MYRIP: variants seen among roughly 807,000 people sequenced by gnomAD.
MYRIP encodes rab effector MyRIP.
In MYRIP, 49 loss-of-function variants were observed where a neutral mutation model predicts 98.0. The ratio of observed to expected loss-of-function variants is 0.50; its 90% CI spans 0.40 to 0.63. MYRIP has a LOEUF of 0.63. MYRIP is among the 30% of genes least tolerant of loss of function. The probability of loss-of-function intolerance (pLI) is 0.00; values close to 1 mark genes in which losing one functional copy is unlikely to be tolerated. For missense variants in MYRIP, 1,004 were observed against 1,058.2 expected (o/e 0.95, Z 0.71); for synonymous variants, 404 against 409.5 (o/e 0.99, Z 0.16).
chr3:39,887,632 C>G (rs1259404183), intron 1 of MYRIP, among the ~76,000 whole-genome samples: 1 of 152,106 alleles, frequency 6.6e-6, no homozygotes, highest in Non-Finnish European at 1.5e-5. Context: ...CAGGGATGCC[C>G]TCTCTCACCA....
chr3:40,044,300 A>G (rs1002648186), intron 3 of MYRIP, 29 bp downstream of exon 3: 3 of 1,603,002 alleles, frequency 1.9e-6, no homozygotes, highest in Non-Finnish European at 8.5e-7. Flanking sequence ...CCCAGGGTCT[A>G]CACTGTTGAT....
intron 1 of MYRIP, among the ~76,000 whole-genome samples, chr3:39,873,202 A>C (rs2125632754): frequency 6.6e-6 from 1 of 151,822 alleles, no homozygotes; most frequent in South Asian, 2.1e-4. Flanking sequence ...TTTTTCTTGT[A>C]CATTTGTTTG....
chr3:40,115,453 G>A (rs889171796), intron 3 of MYRIP, among the ~76,000 whole-genome samples: 10 of 152,200 alleles, frequency 6.6e-5, no homozygotes, highest in South Asian at 4.1e-4. Context: ...AATGCCAGAC[G>A]CTTACAAAAC....
chr3:39,955,495 C>T (rs1186039302), intron 2 of MYRIP, among the ~76,000 whole-genome samples: 5 of 152,088 alleles, frequency 3.3e-5, no homozygotes, highest in African/African-American at 9.7e-5. Flanking sequence ...TCTGTCACCA[C>T]CAGGCCTGCC....
At chr3:39,880,641 A>G (rs1483149744) in intron 1 of MYRIP, among the ~76,000 whole-genome samples, 1 of 152,078 alleles carries the variant, frequency 6.6e-6, no homozygotes, top group Admixed American at 6.5e-5. Context: ...TTTTGCTTCT[A>G]TTTACTCATC....
chr3:39,868,637 A>G (rs748760030), intron 1 of MYRIP, among the ~76,000 whole-genome samples: 2 of 152,128 alleles, frequency 1.3e-5, no homozygotes, highest in Non-Finnish European at 2.9e-5. Context: ...TGATCCTTTG[A>G]CATCTGGAGA....
At chr3:40,125,141 C>T (rs1208852496) in intron 3 of MYRIP, among the ~76,000 whole-genome samples, 1 of 152,246 alleles carries the variant, frequency 6.6e-6, no homozygotes, top group Non-Finnish European at 1.5e-5. Flanking sequence ...AGGCATGGGG[C>T]TTTGCAGCCA....
At chr3:40,177,250 G>A (rs1177170323) in intron 8 of MYRIP, among the ~76,000 whole-genome samples, 1 of 152,096 alleles carries the variant, frequency 6.6e-6, no homozygotes, top group African/African-American at 2.4e-5. Flanking sequence ...TGCTTTAAGG[G>A]TCTTGATGCA....
At chr3:40,159,164 T>C (rs1281709588) in intron 4 of MYRIP, among the ~76,000 whole-genome samples, 2 of 152,164 alleles carry the variant, frequency 1.3e-5, no homozygotes, top group Non-Finnish European at 2.9e-5. Context: ...AGTGCTTCCT[T>C]CAGGAGCTCT....
At chr3:40,032,082 G>A (rs1434555547) in intron 2 of MYRIP, among the ~76,000 whole-genome samples, 1 of 152,018 alleles carries the variant, frequency 6.6e-6, no homozygotes, top group Non-Finnish European at 1.5e-5. Context: ...TGTGATGTTA[G>A]GGTGTCCATT....
intron 4 of MYRIP, among the ~76,000 whole-genome samples, chr3:40,151,531 CAG>C (rs993706226): frequency 1.3e-5 from 2 of 152,188 alleles, no homozygotes; most frequent in Non-Finnish European, 2.9e-5. Context: ...CCCTTGGCTA[CAG>C]AGAGAGTACA....
At chr3:39,979,650 C>CAAAAAAAAAAAAAA (rs1400253573) in intron 2 of MYRIP, among the ~76,000 whole-genome samples, 6 of 78,998 alleles carry the variant, frequency 7.6e-5, no homozygotes, top group Non-Finnish European at 1.2e-4. Flanking sequence ...AAAACCAAAA[C>CAAAAAAAAAAAAAA]AAAACAAAAA....
chr3:40,246,581 G>A (rs1294415998), intron 13 of MYRIP, among the ~76,000 whole-genome samples: 1 of 152,038 alleles, frequency 6.6e-6, no homozygotes, highest in African/African-American at 2.4e-5. Context: ...TGAGGGTGAC[G>A]GAAGCTGTGA....
intron 13 of MYRIP, 113 bp downstream of exon 13, chr3:40,244,720 C>T (rs111603141): frequency 3.3e-6 from 4 of 1,197,350 alleles, no homozygotes; most frequent in African/African-American, 1.6e-5. Flanking sequence ...TCATCTCCAG[C>T]ATGTTTGCGT....
At chr3:40,239,062 C>G (rs1276519977) in intron 12 of MYRIP, among the ~76,000 whole-genome samples, 1 of 123,656 alleles carries the variant, frequency 8.1e-6, no homozygotes, top group Non-Finnish European at 1.6e-5. Context: ...CCCCCCTCCC[C>G]CCACCCCACA....
At chr3:39,883,650 A>T (rs1943212451) in intron 1 of MYRIP, among the ~76,000 whole-genome samples, 2 of 152,090 alleles carry the variant, frequency 1.3e-5, no homozygotes, top group South Asian at 2.1e-4. Context: ...GAAATTATAT[A>T]AAAAAAGAAA....
intron 3 of MYRIP, among the ~76,000 whole-genome samples, chr3:40,129,362 A>G (rs1262148311): frequency 7.1e-6 from 1 of 140,800 alleles, no homozygotes; most frequent in Non-Finnish European, 1.5e-5. Flanking sequence ...AATCGCTTCA[A>G]CCTGGGAAGT....
intron 8 of MYRIP, among the ~76,000 whole-genome samples, chr3:40,179,271 G>C (rs371718683): frequency 2.0e-5 from 3 of 152,306 alleles, no homozygotes; most frequent in African/African-American, 4.8e-5. Context: ...GTTGGAGACA[G>C]CTCTGCTGGG....
chr3:39,990,405 C>T (rs1946145458), intron 2 of MYRIP, among the ~76,000 whole-genome samples: 1 of 152,184 alleles, frequency 6.6e-6, no homozygotes, highest in African/African-American at 2.4e-5. Flanking sequence ...CTCTGATTGC[C>T]ACTGCTTCTA....
Sources: gnomAD v4.1 joint callset for allele counts (sites outside exome capture counted in the v4.1 genomes callset) on GRCh38, gnomAD v4.1.1 for gene constraint, MANE v1.5 for transcripts, NCBI Gene and HGNC (gene_info 2026-07-23, HGNC 2026-07-21) for gene names.